LDLRAD4: variants seen among roughly 807,000 people sequenced by gnomAD.
The protein encoded by LDLRAD4 is low-density lipoprotein receptor class A domain-containing protein 4.
Under a neutral mutation model 17.0 loss-of-function variants are expected in LDLRAD4, and 5 were observed. That is an observed-to-expected ratio of 0.29 (90% CI 0.15 to 0.62). The LOEUF (loss-of-function observed/expected upper bound fraction) is 0.62, where lower values mean the gene tolerates loss of function less well. LDLRAD4 is among the 20% of genes least tolerant of loss of function. The pLI is 0.84. For missense variants in LDLRAD4, 340 were observed against 424.7 expected (o/e 0.80, Z 1.75); for synonymous variants, 168 against 171.8 (o/e 0.98, Z 0.17).
At chr18:13,580,684 C>G (rs574518177) in intron 3 of LDLRAD4, among the ~76,000 whole-genome samples, 202 of 152,270 alleles carry the variant, frequency 1.3e-3, no homozygotes, top group Non-Finnish European at 1.9e-3. Context: ...CAGTCACTTC[C>G]TTTCCCAGGT....
At chr18:13,321,222 A>G (rs575819921) in intron 1 of LDLRAD4, among the ~76,000 whole-genome samples, 1 of 152,204 alleles carries the variant, frequency 6.6e-6, no homozygotes, top group South Asian at 2.1e-4. Context: ...CGCCGTCTGC[A>G]CACTCAGCCC....
rs553105602 is a variant in LDLRAD4, at chr18:13,399,351, C to T, written c.40+11589C>T. 9.8e-5 allele frequency among the ~76,000 whole-genome samples: 15 copies of T among 152,334 alleles called. No homozygotes were observed. In the South Asian group the frequency reaches 2.7e-3, roughly 27 times the overall value. On this transcript the variant is annotated intron_variant, in intron 2 of 5. Transcript: ENST00000359446. ...TGTGGCATATGGTGAGCAACCTAACCTCTCTGTGCCTCAACTTCCTTATCT... is the reference window on the plus strand; with the variant it reads ...TGTGGCATATGGTGAGCAACCTAACTTCTCTGTGCCTCAACTTCCTTATCT...
chr18:13,557,162 A>G (rs2094492422), intron 3 of LDLRAD4, among the ~76,000 whole-genome samples: 1 of 151,906 alleles, frequency 6.6e-6, no homozygotes, highest in African/African-American at 2.4e-5. Flanking sequence ...GTCAGGCATC[A>G]TGGCACATGC....
intron 3 of LDLRAD4, among the ~76,000 whole-genome samples, chr18:13,462,749 C>T (rs1234305442): frequency 1.3e-5 from 2 of 152,154 alleles, no homozygotes; most frequent in African/African-American, 4.8e-5. Context: ...ACGGGCGGAG[C>T]AGGGACAGCA....
chr18:13,234,262 C>A (rs774687485), intron 1 of LDLRAD4, among the ~76,000 whole-genome samples: 1 of 152,188 alleles, frequency 6.6e-6, no homozygotes, highest in African/African-American at 2.4e-5. Context: ...CACCCACGTA[C>A]CCCCTCGCCG....
chr18:13,244,122 A>C, intron 1 of LDLRAD4, among the ~76,000 whole-genome samples: 2 of 90,686 alleles, frequency 2.2e-5, no homozygotes, highest in Admixed American at 1.3e-4. Flanking sequence ...TCCACCATGA[A>C]CTCACCCACC....
intron 1 of LDLRAD4, among the ~76,000 whole-genome samples, chr18:13,352,465 C>T (rs2083100331): frequency 6.6e-6 from 1 of 152,092 alleles, no homozygotes; most frequent in African/African-American, 2.4e-5. Context: ...GAACAATGTG[C>T]TGATTATCTT....
chr18:13,305,148 T>C (rs531240841), intron 1 of LDLRAD4, among the ~76,000 whole-genome samples: 2 of 152,330 alleles, frequency 1.3e-5, no homozygotes, highest in South Asian at 4.1e-4. Flanking sequence ...ATAAAATATA[T>C]GTAGATACTA....
At chr18:13,576,506 T>A (rs1254832916) in intron 3 of LDLRAD4, among the ~76,000 whole-genome samples, 2 of 152,054 alleles carry the variant, frequency 1.3e-5, no homozygotes, top group Non-Finnish European at 2.9e-5. Flanking sequence ...TAAAGCCATG[T>A]AATTCTTGCC....
intron 2 of LDLRAD4, among the ~76,000 whole-genome samples, chr18:13,418,199 T>TCAAC (rs920896291): frequency 6.8e-6 from 1 of 147,908 alleles, no homozygotes; most frequent in African/African-American, 2.5e-5. Flanking sequence ...AACTCCCAAC[T>TCAAC]CAACCCTGGT....
intron 3 of LDLRAD4, among the ~76,000 whole-genome samples, chr18:13,555,508 A>G (rs754463640): frequency 3.9e-5 from 6 of 152,006 alleles, no homozygotes; most frequent in African/African-American, 7.2e-5. Context: ...TTACCTATGG[A>G]ATTCAATATT....
chr18:13,633,804 C>A (rs1362559414), intron 4 of LDLRAD4, among the ~76,000 whole-genome samples: 5 of 152,214 alleles, frequency 3.3e-5, no homozygotes, highest in Admixed American at 3.3e-4. Flanking sequence ...TCCGCAGCTG[C>A]AGCTTTGTGA....
chr18:13,297,423 T>C (rs901656636), intron 1 of LDLRAD4, among the ~76,000 whole-genome samples: 2 of 152,172 alleles, frequency 1.3e-5, no homozygotes, highest in African/African-American at 4.8e-5. Context: ...AGGCACTTTC[T>C]GGAAGGGGAG....
intron 3 of LDLRAD4, among the ~76,000 whole-genome samples, chr18:13,460,316 C>T (rs1339453245): frequency 1.3e-5 from 2 of 152,176 alleles, no homozygotes; most frequent in Non-Finnish European, 2.9e-5. Context: ...TCTCAGCCTC[C>T]TGAGTAGCTG....
chr18:13,643,331 C>T, intron 4 of LDLRAD4, 28 bp from the exon 6 acceptor site: 1 of 1,448,442 alleles, frequency 6.9e-7, no homozygotes, highest in Non-Finnish European at 9.3e-7. Flanking sequence ...CTTGTTCCCC[C>T]CACTCTCCTC....
chr18:13,265,669 C>G (rs1598993003), intron 1 of LDLRAD4, among the ~76,000 whole-genome samples: 1 of 152,208 alleles, frequency 6.6e-6, no homozygotes, highest in Non-Finnish European at 1.5e-5. Context: ...CTGTCCTCCC[C>G]AGGCACGTTT....
intron 3 of LDLRAD4, among the ~76,000 whole-genome samples, chr18:13,447,298 G>A (rs766766740): frequency 6.6e-6 from 1 of 152,168 alleles, no homozygotes; most frequent in Non-Finnish European, 1.5e-5. Context: ...CTGCCTGAAC[G>A]GTTCTGTGGG....
intron 1 of LDLRAD4, among the ~76,000 whole-genome samples, chr18:13,249,775 T>C (rs2145807225): frequency 6.6e-6 from 1 of 152,344 alleles, no homozygotes; most frequent in Middle Eastern, 3.4e-3. Flanking sequence ...TGATTATTTT[T>C]GCTTTTGTTG....
chr18:13,233,641 G>A (rs537355059), intron 1 of LDLRAD4, among the ~76,000 whole-genome samples: 1 of 152,204 alleles, frequency 6.6e-6, no homozygotes, highest in African/African-American at 2.4e-5. Flanking sequence ...CAGAGGAACG[G>A]GGTCTCTCCC....
Sources: gnomAD v4.1 joint callset for allele counts (sites outside exome capture counted in the v4.1 genomes callset) on GRCh38, gnomAD v4.1.1 for gene constraint, MANE v1.5 for transcripts, NCBI Gene and HGNC (gene_info 2026-07-23, HGNC 2026-07-21) for gene names.